The following PIK3R6 variants were observed in gnomAD, a reference collection of about 807,000 sequenced individuals.
PIK3R6 encodes the protein phosphoinositide-3-kinase regulatory subunit 6, also known as phosphoinositide 3-kinase regulatory subunit 6.
Under a neutral mutation model 84.9 loss-of-function variants are expected in PIK3R6, and 91 were observed. The observed-to-expected ratio is 1.07, with a 90% CI of 0.90 to 1.28. The LOEUF is 1.28. PIK3R6 is among the 50% of genes most tolerant of loss of function. The probability of loss-of-function intolerance (pLI) is 0.00; values close to 1 mark genes in which losing one functional copy is unlikely to be tolerated. For synonymous variants in PIK3R6, 416 were observed against 411.4 expected, an observed-to-expected ratio of 1.01 and a Z score of -0.13; for missense variants, 996 against 985.1, an observed-to-expected ratio of 1.01 and a Z score of -0.15.
intron 2 of PIK3R6, among the ~76,000 whole-genome samples, chr17:8,843,301 T>C (rs954106601): frequency 2.6e-5 from 4 of 152,180 alleles, no homozygotes; most frequent in African/African-American, 7.2e-5. Context: ...CTCCCTCCCT[T>C]CCTTCCTTTC....
At chr17:8,836,739 G>A in intron 6 of PIK3R6, 52 bp downstream of exon 6, 1 of 1,610,318 alleles carries the variant, frequency 6.2e-7, no homozygotes, top group Non-Finnish European at 8.5e-7. Flanking sequence ...GAAAGACCCT[G>A]GGCAATGTTG....
intron 17 of PIK3R6, among the ~76,000 whole-genome samples, chr17:8,819,566 C>G (rs2087649410): frequency 6.6e-6 from 1 of 151,410 alleles, no homozygotes; most frequent in Non-Finnish European, 1.5e-5. Context: ...AAGCACCTGC[C>G]CAGGGATGTT....
intron 18 of PIK3R6, among the ~76,000 whole-genome samples, chr17:8,811,649 G>A (rs2087361189): frequency 6.8e-6 from 1 of 146,350 alleles, no homozygotes; most frequent in Non-Finnish European, 1.5e-5. Context: ...CCACAAAAAT[G>A]CCACCAGTTT....
In PIK3R6 at chr17:8,844,509, G is replaced by A. The variant is rs1474520216; in HGVS notation, c.14-4812C>T. Among the ~76,000 whole-genome samples the A allele has an allele frequency of 6.6e-6, 1 of 152,074 alleles. No homozygotes were observed. Among genetic ancestry groups the A allele is most frequent in the Non-Finnish European group, 1.5e-5 (1 of 68,014 alleles). ...GCAGGTCTAACATCCTTGATGACTCGAATAGTCAATAGATAAATGGCATCC... is the reference window on the plus strand; with the variant it reads ...GCAGGTCTAACATCCTTGATGACTCAAATAGTCAATAGATAAATGGCATCC... On this transcript the variant is annotated intron_variant, in intron 2 of 19. Coordinates refer to ENST00000619866, the MANE Select transcript of PIK3R6 (RefSeq NM_001010855.4). The surrounding 1 kb of genome is among the most constrained non-coding windows in gnomAD (Gnocchi z 4.5).
rs2088425537 is a variant in PIK3R6 at position 8,835,488 on chromosome 17, T to C, written c.462-32A>G. The C allele has an allele frequency of 2.0e-6, 3 of 1,509,898 alleles. No homozygotes were observed. In the Admixed American group the frequency reaches 5.7e-5, roughly 29 times the overall value. The allele number at this position is 1,509,898 out of a possible 1,614,324, so 93.5% of individuals were successfully genotyped here. On this transcript the variant is annotated intron_variant, in intron 7 of 19. Coordinates refer to ENST00000619866, the MANE Select transcript of PIK3R6 (RefSeq NM_001010855.4). The stretch of plus-strand genomic sequence containing the variant: ...GCAGAAGCAGAGGGGAGAGGTGGGA[T>C]TGATAGTAACTAATGGGAGAGGGGC...
At chr17:8,864,093 C>T (rs1157032558) in intron 1 of PIK3R6, among the ~76,000 whole-genome samples, 2 of 152,206 alleles carry the variant, frequency 1.3e-5, no homozygotes, top group African/African-American at 4.8e-5. Context: ...GAGCATTCTT[C>T]TGCACCATCT....
At chr17:8,813,406 C>T (rs1356227858) in intron 18 of PIK3R6, among the ~76,000 whole-genome samples, 3 of 152,182 alleles carry the variant, frequency 2.0e-5, no homozygotes, top group East Asian at 3.9e-4. Flanking sequence ...TTCTATGAAG[C>T]CAGGGTCAGT....
At position 8,853,497 on chromosome 17, in the gene PIK3R6, AAATAAT is replaced by A. The variant is rs1158060254; in HGVS notation, c.-91-3618_-91-3613del. ...AAGACTCCATCTCAAAAAAAAAAAA[AAATAAT>A]AATAATAATAATAAAATAATAAATA... On this transcript the variant is annotated intron_variant, in intron 1 of 19. Transcript: ENST00000619866. Among the ~76,000 whole-genome samples the A allele has an allele frequency of 1.6e-3, 219 of 141,280 alleles. 1 individual carries two copies. The highest frequency in any genetic ancestry group is 3.7e-3 in the Middle Eastern group (1 of 270). 92.7% of individuals were successfully genotyped at this position (141,280 alleles called of 152,430 possible).
chr17:8,831,328 T>TAAAAAAA lies in PIK3R6; in HGVS notation c.803-1543_803-1537dup, dbSNP rs60650147. ...CTGGGTGACAGAGCAAGACCCTGTC[T>TAAAAAAA]AAAAAAAAAAAAAAAAAAAAAAAAA... On this transcript the variant is annotated intron_variant, in intron 9 of 19. Coordinates refer to ENST00000619866, the MANE Select transcript of PIK3R6 (RefSeq NM_001010855.4). 1.4e-3 allele frequency among the ~76,000 whole-genome samples: 46 copies of TAAAAAAA among 33,080 alleles called. 6 individuals carry two copies. The highest frequency in any genetic ancestry group is 0.014 in the East Asian group (11 of 806). 21.7% of individuals were successfully genotyped at this position (33,080 alleles called of 152,430 possible).
intron 18 of PIK3R6, among the ~76,000 whole-genome samples, chr17:8,811,460 A>G (rs1190183217): frequency 6.7e-6 from 1 of 148,392 alleles, no homozygotes; most frequent in Admixed American, 6.9e-5. Context: ...TTTCTCCTCA[A>G]AAAATGGGAT....
intron 18 of PIK3R6, among the ~76,000 whole-genome samples, chr17:8,806,186 T>G (rs930766979): frequency 6.6e-6 from 1 of 152,214 alleles, no homozygotes; most frequent in East Asian, 1.9e-4. Context: ...ATGAATGGAA[T>G]TGCACCTGAA....
intron 1 of PIK3R6, among the ~76,000 whole-genome samples, chr17:8,863,755 G>A (rs1283770310): frequency 6.6e-6 from 1 of 152,076 alleles, no homozygotes; most frequent in Non-Finnish European, 1.5e-5. Context: ...GAATAGCCTC[G>A]ATCTCCTGAC....
chr17:8,818,930 ATTCC>A (rs1309701499), intron 18 of PIK3R6, among the ~76,000 whole-genome samples, 149 bp downstream of exon 18: 1 of 152,168 alleles, frequency 6.6e-6, no homozygotes, highest in Non-Finnish European at 1.5e-5. Context: ...TGAAAAGCGG[ATTCC>A]TTCCAACAGG....
chr17:8,847,678 C>G (rs1458428438), intron 2 of PIK3R6, among the ~76,000 whole-genome samples: 1 of 152,082 alleles, frequency 6.6e-6, no homozygotes, highest in Admixed American at 6.5e-5. Context: ...TGGTGCATGC[C>G]TGTAATCCCA....
chr17:8,864,613 C>T (rs2089363664), intron 1 of PIK3R6, among the ~76,000 whole-genome samples: 1 of 139,300 alleles, frequency 7.2e-6, no homozygotes, highest in African/African-American at 2.7e-5. Context: ...TCTCGTCTCA[C>T]TGCAACCTCT....
At chr17:8,843,086 G>GC (rs1265401086) in intron 2 of PIK3R6, among the ~76,000 whole-genome samples, 4 of 152,106 alleles carry the variant, frequency 2.6e-5, no homozygotes, top group African/African-American at 9.7e-5. Context: ...AGCCACATCT[G>GC]CCCACCTGGT....
rs2089304508 is a variant in PIK3R6, at chr17:8,862,382, C to T, written c.-92+5147G>A. Among the ~76,000 whole-genome samples, 1 of 152,306 alleles carries T rather than the reference C, an allele frequency of 6.6e-6. No individual in the cohort carries two copies. Among genetic ancestry groups the T allele is most frequent in the African/African-American group, 2.4e-5 (1 of 41,560 alleles). ...TCACTGTCCCAAAGCTACTCTTGGG[C>T]TGGATGACAGAAACAAGTTTGTTGG... On this transcript the variant is annotated intron_variant, in intron 1 of 19. Coordinates refer to ENST00000619866, the MANE Select transcript of PIK3R6 (RefSeq NM_001010855.4). The surrounding 1 kb of genome is among the most constrained non-coding windows in gnomAD (Gnocchi z 4.3).
chr17:8,835,198 G>A, intron 8 of PIK3R6, 75 bp downstream of exon 8: 3 of 1,310,802 alleles, frequency 2.3e-6, no homozygotes, highest in Non-Finnish European at 3.0e-6. Flanking sequence ...AGGAGGAAGA[G>A]CAGGGTGAAT....
intron 13 of PIK3R6, among the ~76,000 whole-genome samples, chr17:8,826,679 C>T (rs540173640): frequency 2.6e-5 from 4 of 151,862 alleles, no homozygotes; most frequent in East Asian, 1.9e-4. Flanking sequence ...CTAATGCATG[C>T]GGGGCTTAAA....
Sources: allele counts gnomAD v4.1 joint callset (sites outside exome capture counted in the v4.1 genomes callset), GRCh38; gene constraint gnomAD v4.1.1; non-coding constraint Gnocchi (gnomAD v3.1); transcripts MANE v1.5; gene names NCBI Gene and HGNC (gene_info 2026-07-23, HGNC 2026-07-21).